The following MYO7A variants were observed in gnomAD, a reference collection of about 807,000 sequenced individuals.
The protein encoded by MYO7A is myosin VIIA.
A neutral mutation model predicts 263.8 loss-of-function variants in MYO7A; 210 were observed. That is an observed-to-expected ratio of 0.80 (90% CI 0.71 to 0.89). The LOEUF (loss-of-function observed/expected upper bound fraction) is 0.89, where lower values mean the gene tolerates loss of function less well. Among genes scored for constraint, MYO7A ranks in the 40% least tolerant of loss-of-function variants. The pLI, the probability that MYO7A is intolerant of heterozygous loss-of-function variation, is 0.00. For synonymous variants in MYO7A, 1,239 were observed against 1,197.3 expected (o/e 1.03, Z -0.72); for missense variants, 2,820 against 2,968.3 (o/e 0.95, Z 1.16).
At position 77,159,462 on chromosome 11, in the gene MYO7A, A is replaced by G. The variant is rs782083969; in HGVS notation, c.1019A>G (p.Asn340Ser). 6.2e-7 allele frequency: 1 copy of G among 1,611,752 alleles called. No homozygotes were observed. The highest frequency in any genetic ancestry group is 8.5e-7 in the Non-Finnish European group (1 of 1,179,436). The change falls in exon 10 of 49, where the codon AAC becomes AGC. Residue 340 changes from asparagine to serine, a missense_variant. Transcript: ENST00000409709. The stretch of plus-strand genomic sequence containing the variant: ...CTGCCAACAGCACGCACATTTGAAA[A>G]CCTGGATGCCTGTGAGGTTCTCTTC... ...NLQYEARTFENLDACEVLFSP... is the reference protein window; with the variant it reads ...NLQYEARTFESLDACEVLFSP...
intron 32 of MYO7A, among the ~76,000 whole-genome samples, chr11:77,196,830 C>T (rs577644725): frequency 9.2e-5 from 14 of 152,186 alleles, no homozygotes; most frequent in Non-Finnish European, 2.9e-5. Context: ...TTCACTCTGA[C>T]CCCTCCAATG....
At chr11:77,203,300 C>T in intron 38 of MYO7A, 83 bp downstream of exon 38, 4 of 1,441,898 alleles carry the variant, frequency 2.8e-6, no homozygotes, top group Non-Finnish European at 3.7e-6. Flanking sequence ...TCCTGAGGGC[C>T]TGCTGCGACC....
rs1407313220 is a variant in MYO7A, at chr11:77,204,191, T to A, written c.5442T>A (p.Tyr1814Ter). 6.3e-7 allele frequency: 1 copy of A among 1,584,108 alleles called. No homozygotes were observed. Among genetic ancestry groups the A allele is most frequent in the Non-Finnish European group, 8.6e-7 (1 of 1,165,566 alleles). Residue 1814 changes from tyrosine to a stop codon, truncating the protein, a stop_gained, in exon 39 of 49, where the codon TAT (tyrosine) becomes TAA (stop). Transcript: ENST00000409709. LOFTEE classifies it high-confidence loss of function. ...CCGAGCCCCTGAAGGACGAGGCATA[T>A]GTGCAGATCCTGAAGCAGCTGACCG... ...LKAEPLKDEA[Y>*]VQILKQLTDN...
intron 15 of MYO7A, among the ~76,000 whole-genome samples, chr11:77,169,570 G>T (rs918402375): frequency 6.6e-6 from 1 of 152,126 alleles, no homozygotes; most frequent in African/African-American, 2.4e-5. Context: ...CCCATCTGCA[G>T]ATTATCCCAG....
At chr11:77,180,189 G>C (rs138343866) in intron 21 of MYO7A, among the ~76,000 whole-genome samples, 185 bp from the exon 22 acceptor site, 1 of 152,202 alleles carries the variant, frequency 6.6e-6, no homozygotes, top group Non-Finnish European at 1.5e-5. Context: ...AGATCTGGCC[G>C]GGCTTTAGGA....
At chr11:77,197,068 G>A (rs965859126) in intron 32 of MYO7A, among the ~76,000 whole-genome samples, 3 of 152,092 alleles carry the variant, frequency 2.0e-5, no homozygotes, top group African/African-American at 4.8e-5. Flanking sequence ...ACCTGGCTCC[G>A]CACGCTGTGT....
chr11:77,157,023 G>T lies in MYO7A; in HGVS notation c.735+19G>T. ...TCGCCAGGTGGGCCTGAGCCCCAGG[G>T]ATGCAGGAATAGACCCAGGCCCCTG... On this transcript the variant is annotated intron_variant, in intron 7 of 48. Coordinates refer to ENST00000409709, the MANE Select transcript of MYO7A (RefSeq NM_000260.4). The T allele has an allele frequency of 6.2e-7, 1 of 1,609,610 alleles. No homozygotes were observed. The highest frequency in any genetic ancestry group is 8.5e-7 in the Non-Finnish European group (1 of 1,178,218).
chr11:77,160,371 G>C, intron 11 of MYO7A, 89 bp downstream of exon 11: 1 of 1,484,524 alleles, frequency 6.7e-7, no homozygotes, highest in South Asian at 1.3e-5. Context: ...CCTGGGAGGT[G>C]GGTAGACATC....
At position 77,201,646 on chromosome 11, in the gene MYO7A, G is replaced by T; in HGVS notation, c.5043+8G>T. ...CCACCGCGGGAGATTGTGGTATGTG[G>T]CCTGGGGGTGGCAGATGGGTGGGAG... is the stretch of plus-strand genomic sequence containing the variant. On this transcript the variant is annotated splice_region_variant and intron_variant, in intron 36 of 48. Transcript: ENST00000409709. 1 of 1,610,660 alleles carries T rather than the reference G, an allele frequency of 6.2e-7. No individual in the cohort carries two copies. The highest frequency in any genetic ancestry group is 1.1e-5 in the South Asian group (1 of 91,002).
chr11:77,212,104 G>C (rs1168925512), intron 46 of MYO7A, 167 bp downstream of exon 46: 1 of 708,810 alleles, frequency 1.4e-6, no homozygotes, highest in African/African-American at 1.7e-5. Flanking sequence ...GTCTTAGCTG[G>C]GGTAAGTCCT....
At chr11:77,157,242 C>T (rs1952562904) in intron 7 of MYO7A, 37 bp from the exon 8 acceptor site, 1 of 1,536,918 alleles carries the variant, frequency 6.5e-7, no homozygotes, top group South Asian at 1.2e-5. Flanking sequence ...CTCTGGCCCT[C>T]CTCCCCTGGC....
At chr11:77,153,252 G>A (rs1952136434) in intron 4 of MYO7A, among the ~76,000 whole-genome samples, 1 of 152,110 alleles carries the variant, frequency 6.6e-6, no homozygotes, top group Non-Finnish European at 1.5e-5. Context: ...GGAGTGGTGT[G>A]AGGGAGGGGT....
chr11:77,158,321 C>A lies in MYO7A; in HGVS notation c.894C>A (p.Tyr298Ter). 6.2e-7 allele frequency: 1 copy of A among 1,612,608 alleles called. No homozygotes were observed. The stretch of plus-strand genomic sequence containing the variant: ...AGGGCCGGGTGGACAGCCAGGAGTA[C>A]GCCAACATCCGCTCCGCCATGAAGG... ...TCEGRVDSQE[Y>*]ANIRSAMKVL... is the part of the protein sequence containing the mutation. The change falls in exon 9 of 49, where the codon TAC becomes TAA. Residue 298 changes from tyrosine to a stop codon, truncating the protein, a stop_gained. Transcript: ENST00000409709. LOFTEE classifies it high-confidence loss of function.
intron 3 of MYO7A, among the ~76,000 whole-genome samples, chr11:77,144,784 G>C (rs1263741907): frequency 6.6e-6 from 1 of 152,172 alleles, no homozygotes; most frequent in East Asian, 1.9e-4. Context: ...AAAGGTTATG[G>C]TTTCAGTCCC....
intron 19 of MYO7A, among the ~76,000 whole-genome samples, chr11:77,178,228 C>CCCATCCAT (rs1426304782): frequency 3.4e-4 from 42 of 123,384 alleles, no homozygotes; most frequent in African/African-American, 1.4e-3. Context: ...CACCTATTCA[C>CCCATCCAT]CCATCCATCC....
intron 15 of MYO7A, among the ~76,000 whole-genome samples, chr11:77,167,232 G>T (rs1555073156): frequency 6.6e-6 from 1 of 152,164 alleles, no homozygotes; most frequent in African/African-American, 2.4e-5. Flanking sequence ...TAGGAGAGGG[G>T]CAAGGCTTGC....
intron 2 of MYO7A, among the ~76,000 whole-genome samples, chr11:77,135,276 T>G (rs1301747678): frequency 6.6e-6 from 1 of 152,236 alleles, no homozygotes; most frequent in Non-Finnish European, 1.5e-5. Context: ...GGTTTTGATT[T>G]GACTATTCTA....
At chr11:77,131,415 C>T (rs1171667368) in intron 2 of MYO7A, among the ~76,000 whole-genome samples, 4 of 152,098 alleles carry the variant, frequency 2.6e-5, no homozygotes, top group African/African-American at 4.8e-5. Flanking sequence ...AGTGCGTGCG[C>T]GTGTGTGTGT....
At chr11:77,198,236 A>T (rs983912219) in intron 33 of MYO7A, among the ~76,000 whole-genome samples, 12 of 152,190 alleles carry the variant, frequency 7.9e-5, no homozygotes, top group African/African-American at 2.4e-4. Context: ...ATCCCGCCTT[A>T]GTGCAGGGCA....
Sources: allele counts gnomAD v4.1 joint callset (sites outside exome capture counted in the v4.1 genomes callset), GRCh38; gene constraint gnomAD v4.1.1; transcripts MANE v1.5; gene names NCBI Gene and HGNC (gene_info 2026-07-23, HGNC 2026-07-21).